REV3L: variants seen among roughly 807,000 people sequenced by gnomAD.
REV3L encodes the protein DNA polymerase zeta catalytic subunit.
A neutral mutation model predicts 299.4 loss-of-function variants in REV3L; 69 were observed. The observed-to-expected ratio is 0.23, with a 90% CI of 0.19 to 0.28. The LOEUF (loss-of-function observed/expected upper bound fraction) is 0.28, where lower values mean the gene tolerates loss of function less well. Ranked by LOEUF, REV3L falls within the 10% of genes least tolerant of loss-of-function variation. The probability of loss-of-function intolerance (pLI) is 1.00; values close to 1 mark genes in which losing one functional copy is unlikely to be tolerated. For missense variants in REV3L, 3,128 were observed against 3,693.8 expected (o/e 0.85, Z 3.97); for synonymous variants, 1,238 against 1,271.4 (o/e 0.97, Z 0.56).
chr6:111,404,796 A>G (rs1201153534), intron 4 of REV3L, among the ~76,000 whole-genome samples: 1 of 152,386 alleles, frequency 6.6e-6, no homozygotes, highest in South Asian at 2.1e-4. Context: ...TTAAAGAAAT[A>G]GCAAATTCAC....
At chr6:111,462,403 G>C (rs1790887953) in intron 1 of REV3L, among the ~76,000 whole-genome samples, 1 of 151,988 alleles carries the variant, frequency 6.6e-6, no homozygotes, top group Non-Finnish European at 1.5e-5. Flanking sequence ...CCGCCAGAAA[G>C]GCACACCGAT....
At chr6:111,342,668 A>C (rs1159194509) in intron 21 of REV3L, among the ~76,000 whole-genome samples, 1 of 56,568 alleles carries the variant, frequency 1.8e-5, no homozygotes, top group African/African-American at 3.2e-5. Context: ...ACTCTGTCTC[A>C]AAAAAAAAAA....
rs370332269 is a variant in REV3L, at chr6:111,376,699, C to G, written c.1656G>C (p.Lys552Asn). ...GAAAGATGGAGGGTTTAACTGAAAGCTTGCTTGTTGCAATTACAGAAGAGT... is the reference window on the plus strand; with the variant it reads ...GAAAGATGGAGGGTTTAACTGAAAGGTTGCTTGTTGCAATTACAGAAGAGT... ...RTHSSVIATS[K>N]LSVKPSIFHK... Residue 552 changes from lysine to asparagine, a missense_variant, in exon 13 of 32, where the codon AAG becomes AAC. Around this residue, in one of 9 missense-constraint regions of REV3L, gnomAD observed 2,409 missense variants for 2,611.8 expected, o/e 0.92. Coordinates refer to ENST00000368802, the MANE Select transcript of REV3L (RefSeq NM_001372078.1). The G allele has an allele frequency of 1.6e-5, 26 of 1,605,622 alleles. No homozygotes were observed. The highest frequency in any genetic ancestry group is 2.1e-5 in the Non-Finnish European group (25 of 1,179,272).
intron 13 of REV3L, 56 bp from the exon 14 acceptor site, chr6:111,368,084 A>AT: frequency 7.1e-7 from 1 of 1,407,158 alleles, no homozygotes; most frequent in Non-Finnish European, 9.5e-7. Context: ...TTACCAAAAT[A>AT]TTTAACTCCA....
In REV3L at chr6:111,376,282, T is replaced by C. The variant is rs1367244130; in HGVS notation, c.2073A>G (p.Ile691Met). ...TCTCGTTAGGGTGACGGTGCATATGTATAAAAGGGGAATCCTTTTCGATTT... is the reference window on the plus strand; with the variant it reads ...TCTCGTTAGGGTGACGGTGCATATGCATAAAAGGGGAATCCTTTTCGATTT... ...IRKIEKDSPF[I>M]HMHRHPNENT... Residue 691 changes from isoleucine to methionine, a missense_variant, in exon 13 of 32, where the codon ATA becomes ATG. By Grantham distance (10) the Ile-to-Met change is conservative (BLOSUM62 1). Around this residue, in one of 9 missense-constraint regions of REV3L, gnomAD observed 2,409 missense variants for 2,611.8 expected, o/e 0.92. Transcript: ENST00000368802. 12 of 1,613,722 alleles carry C rather than the reference T, an allele frequency of 7.4e-6. No individual in the cohort carries two copies. The highest frequency in any genetic ancestry group is 1.1e-5 in the South Asian group (1 of 91,020).
At chr6:111,478,258 T>C (rs900493236) in intron 1 of REV3L, among the ~76,000 whole-genome samples, 1 of 152,212 alleles carries the variant, frequency 6.6e-6, no homozygotes, top group Non-Finnish European at 1.5e-5. Context: ...ATTTCTATAG[T>C]CCAGTCATAC....
At chr6:111,430,300 T>C (rs1335733080) in intron 1 of REV3L, 4 of 1,089,796 alleles carry the variant, frequency 3.7e-6, no homozygotes, top group Non-Finnish European at 5.7e-6. Context: ...CTTTCTTTCA[T>C]TTCCTGTGAC....
rs1786838847 is a variant in REV3L at position 111,430,934 on chromosome 6, C to T, written c.140-14462G>A. On this transcript the variant is annotated intron_variant, in intron 1 of 31. Coordinates refer to ENST00000368802, the MANE Select transcript of REV3L (RefSeq NM_001372078.1). Reference sequence around the variant, plus strand: ...AGAGCCAGGCTACTGCCCTGTGAGACTGGGAATGACAACTGGAAGACTTCA... The same window carrying T: ...AGAGCCAGGCTACTGCCCTGTGAGATTGGGAATGACAACTGGAAGACTTCA... 4 of 1,593,076 alleles carry T rather than the reference C, an allele frequency of 2.5e-6. No individual in the cohort carries two copies. In the Admixed American group the frequency reaches 5.2e-5, roughly 21 times the overall value.
Position 111,325,216 on chromosome 6 carries a change from C to A in REV3L, c.8242-2538G>T, listed in dbSNP as rs139420306. On this transcript the variant is annotated intron_variant, in intron 25 of 31. Coordinates refer to ENST00000368802, the MANE Select transcript of REV3L (RefSeq NM_001372078.1). ...AGTAAAAATTAATTCCCTGAAAAGACATAAAAAGGAAGAAATAAAGTTCAG... is the reference window on the plus strand; with the variant it reads ...AGTAAAAATTAATTCCCTGAAAAGAAATAAAAAGGAAGAAATAAAGTTCAG... Among the ~76,000 whole-genome samples the A allele has an allele frequency of 1.3e-3, 202 of 152,222 alleles. 1 individual carries two copies. Among genetic ancestry groups the A allele is most frequent in the African/African-American group, 4.7e-3 (196 of 41,544 alleles).
intron 1 of REV3L, among the ~76,000 whole-genome samples, chr6:111,473,422 G>A (rs970540174): frequency 9.2e-5 from 14 of 151,926 alleles, no homozygotes; most frequent in African/African-American, 3.1e-4. Context: ...TATAGTACCA[G>A]AGGAACTTGA....
intron 30 of REV3L, among the ~76,000 whole-genome samples, chr6:111,308,702 G>A (rs368305306): frequency 5.9e-5 from 9 of 152,126 alleles, no homozygotes; most frequent in East Asian, 1.9e-4. Context: ...CATTCATTTC[G>A]AAGGAATTTT....
At chr6:111,429,302 T>C (rs1439144298) in intron 1 of REV3L, among the ~76,000 whole-genome samples, 1 of 152,146 alleles carries the variant, frequency 6.6e-6, no homozygotes, top group East Asian at 1.9e-4. Flanking sequence ...GTGTGAGCCA[T>C]TGTGCCCAGT....
At chr6:111,312,132 GCT>G (rs2114729252) in intron 28 of REV3L, 1 of 152,260 alleles carries the variant, frequency 6.6e-6, no homozygotes, top group African/African-American at 2.4e-5. Context: ...CTAGGTGAAA[GCT>G]CTGTGTCTTA....
chr6:111,377,894 C>T (rs749943988), intron 11 of REV3L, 51 bp from the exon 12 acceptor site: 1 of 1,490,164 alleles, frequency 6.7e-7, no homozygotes, highest in Non-Finnish European at 9.1e-7. Context: ...TAAAGACCAT[C>T]TCAGATGCAA....
chr6:111,452,077 ATGTG>A, intron 1 of REV3L, among the ~76,000 whole-genome samples: 2 of 152,200 alleles, frequency 1.3e-5, no homozygotes, highest in African/African-American at 4.8e-5. Context: ...CAAAGAAGAT[ATGTG>A]AATGGCAAAT....
At chr6:111,475,330 A>G (rs1210492556) in intron 1 of REV3L, among the ~76,000 whole-genome samples, 2 of 152,212 alleles carry the variant, frequency 1.3e-5, no homozygotes, top group South Asian at 4.1e-4. Flanking sequence ...ATATTCTTAG[A>G]TATTTATTTG....
At chr6:111,349,917 T>C (rs1777420838) in intron 19 of REV3L, among the ~76,000 whole-genome samples, 1 of 152,214 alleles carries the variant, frequency 6.6e-6, no homozygotes, top group South Asian at 2.1e-4. Flanking sequence ...GAAGAGTTCC[T>C]CATAGCAAAT....
rs1368258721 is a variant in REV3L, at chr6:111,460,302, A to AT, written c.139+22447dup. The AT allele has an allele frequency of 4.6e-5, 7 of 152,182 alleles. No individual in the cohort carries two copies. In the East Asian group the frequency reaches 1.4e-3, roughly 29 times the overall value. The allele number at this position is 152,182 out of a possible 1,614,324, so 9.4% of individuals were successfully genotyped here. On this transcript the variant is annotated intron_variant, in intron 1 of 31. Coordinates refer to ENST00000368802, the MANE Select transcript of REV3L (RefSeq NM_001372078.1). ...GGAGGCAAGGATGGAAAAACTACCT[A>AT]TTGAGTACTATGCTCACTTCCTAGG...
intron 1 of REV3L, among the ~76,000 whole-genome samples, chr6:111,425,942 A>T (rs1470085682): frequency 6.6e-6 from 1 of 152,220 alleles, no homozygotes; most frequent in Non-Finnish European, 1.5e-5. Context: ...ACTATGATAT[A>T]AGAAGAAATA....
Sources: gnomAD v4.1 joint callset for allele counts (sites outside exome capture counted in the v4.1 genomes callset) on GRCh38, gnomAD v4.1.1 for gene constraint, gnomAD v4.1.1 regional missense constraint, MANE v1.5 for transcripts, NCBI Gene and HGNC (gene_info 2026-07-23, HGNC 2026-07-21) for gene names.